EXOC3: variants seen among roughly 807,000 people sequenced by gnomAD.
EXOC3 encodes the protein SEC6-like 1.
In EXOC3, 21 loss-of-function variants were observed where a neutral mutation model predicts 73.7. The observed-to-expected ratio is 0.29, with a 90% CI of 0.20 to 0.41. EXOC3 has a LOEUF of 0.41. EXOC3 is among the 10% of genes least tolerant of loss of function. The pLI is 1.00. For missense variants in EXOC3, 842 were observed against 985.1 expected (o/e 0.85, Z 1.95); for synonymous variants, 410 against 389.1 (o/e 1.05, Z -0.63).
chr5:453,959 C>T lies in EXOC3; in HGVS notation c.954C>T (p.Ala318=), dbSNP rs1427791398. 3 of 1,613,978 alleles carry T rather than the reference C, an allele frequency of 1.9e-6. No homozygotes were observed. The highest frequency in any genetic ancestry group is 2.2e-5 in the East Asian group (1 of 44,882). Residue 318 remains alanine (A), a synonymous_variant, in exon 4 of 13, where the codon GCC becomes GCT. Coordinates refer to ENST00000512944, the MANE Select transcript of EXOC3 (RefSeq NM_007277.5). ...FKNLLNMYHQ[A]LSTRMQDLAS... ...ACCTCCTGAACATGTACCACCAAGCCCTGAGCACGCGGATGCAGGACCTCG... is the reference window on the plus strand; with the variant it reads ...ACCTCCTGAACATGTACCACCAAGCTCTGAGCACGCGGATGCAGGACCTCG...
Position 465,186 on chromosome 5 carries a change from C to T in EXOC3, c.1852C>T (p.Arg618Trp), listed in dbSNP as rs536472319. The T allele has an allele frequency of 6.3e-7, 1 of 1,595,316 alleles. No individual in the cohort carries two copies. The highest frequency in any genetic ancestry group is 8.5e-7 in the Non-Finnish European group (1 of 1,171,444). The change falls in exon 11 of 13, where the codon CGG becomes TGG. Residue 618 changes from arginine (R) to tryptophan (W), a missense_variant. Transcript: ENST00000512944. ...RAVMQKRISF[R>W]SPEERKEGAE... Reference sequence around the variant, plus strand: ...GGTCATGCAGAAGCGCATTTCCTTCCGGAGCCCGGAGGAGCGCAAGGAGGG... The same window carrying T: ...GGTCATGCAGAAGCGCATTTCCTTCTGGAGCCCGGAGGAGCGCAAGGAGGG...
intron 9 of EXOC3, among the ~76,000 whole-genome samples, chr5:463,325 A>C (rs1236913817): frequency 1.3e-5 from 2 of 152,256 alleles, no homozygotes; most frequent in African/African-American, 4.8e-5. Flanking sequence ...AAATTATTTC[A>C]AAATTTAAAA....
rs199625474 is a variant in EXOC3, at chr5:454,032, G to T, written c.1027G>T (p.Val343Phe). The change falls in exon 4 of 13, where the codon GTC becomes TTC. Residue 343 changes from valine (V) to phenylalanine (F), a missense_variant. Physicochemically the swap from Val to Phe is conservative, Grantham distance 50 (BLOSUM62 -1). Coordinates refer to ENST00000512944, the MANE Select transcript of EXOC3 (RefSeq NM_007277.5). ...ANEIVSLLTW[V>F]LNTYTSTEMM... is the part of the protein sequence containing the mutation. ...TGAGATCGTGAGCCTCTTGACGTGG[G>T]TCTTAAACACCTACACAAGGTAAAG... is the stretch of plus-strand genomic sequence containing the variant. The T allele has an allele frequency of 1.3e-4, 208 of 1,608,150 alleles. 2 individuals are homozygous for T. Among genetic ancestry groups the T allele is most frequent in the Non-Finnish European group, 6.7e-5 (79 of 1,177,234 alleles).
chr5:456,388 G>A (rs751050571), intron 4 of EXOC3, among the ~76,000 whole-genome samples: 6 of 76,988 alleles, frequency 7.8e-5, no homozygotes, highest in Admixed American at 4.7e-4. Flanking sequence ...CGTGGCGCCC[G>A]TGGCTGTGGG....
At position 453,746 on chromosome 5, in the gene EXOC3, A is replaced by G. The variant is rs752734553; in HGVS notation, c.741A>G (p.Lys247=). 5 of 1,613,952 alleles carry G rather than the reference A, an allele frequency of 3.1e-6. No individual in the cohort carries two copies. The highest frequency in any genetic ancestry group is 4.2e-6 in the Non-Finnish European group (5 of 1,179,900). ...PPGRPKNWKE[K]MFTILERTVT... is the part of the protein sequence containing the mutation. ...GGAGGCCCAAGAATTGGAAGGAGAA[A>G]ATGTTCACCATCTTGGAGAGGACTG... The change falls in exon 4 of 13, where the codon AAA becomes AAG. Residue 247 remains lysine (K), a synonymous_variant. Transcript: ENST00000512944.
At chr5:465,386 G>T (rs796342609) in intron 11 of EXOC3, 114 bp downstream of exon 11, 5 of 1,218,490 alleles carry the variant, frequency 4.1e-6, no homozygotes, top group Non-Finnish European at 5.7e-6. Flanking sequence ...TTGTCAGGCG[G>T]GGGGAGCCTG....
At chr5:448,712 C>T (rs372207974) in intron 3 of EXOC3, among the ~76,000 whole-genome samples, 2 of 152,212 alleles carry the variant, frequency 1.3e-5, no homozygotes, top group Admixed American at 1.3e-4. Flanking sequence ...CTGCCCACAG[C>T]GCACCTTGGT....
intron 10 of EXOC3, chr5:464,647 A>ATT: frequency 2.1e-6 from 1 of 484,698 alleles, no homozygotes; most frequent in East Asian, 3.9e-5. Flanking sequence ...TGGTTCCCGG[A>ATT]GAGGCCCGCG....
intron 1 of EXOC3, among the ~76,000 whole-genome samples, chr5:444,763 G>T (rs1737454758): frequency 1.0e-5 from 1 of 95,908 alleles, no homozygotes; most frequent in African/African-American, 2.7e-5. Flanking sequence ...GTGGGATATA[G>T]CGGGGGTTAC....
At chr5:461,708 C>T (rs1579743774) in intron 7 of EXOC3, 1 of 481,446 alleles carries the variant, frequency 2.1e-6, no homozygotes, top group East Asian at 3.7e-5. Flanking sequence ...CTCAGGTGGT[C>T]TCCCTGCCTC....
chr5:462,786 G>A (rs1279412083), intron 9 of EXOC3, among the ~76,000 whole-genome samples: 3 of 152,194 alleles, frequency 2.0e-5, no homozygotes, highest in African/African-American at 4.8e-5. Flanking sequence ...AGAGGTATTG[G>A]CAGAAATCAG....
In EXOC3 at chr5:453,756, A is replaced by T; in HGVS notation, c.751A>T (p.Ile251Phe). 1 of 1,613,990 alleles carries T rather than the reference A, an allele frequency of 6.2e-7. No homozygotes were observed. The highest frequency in any genetic ancestry group is 8.5e-7 in the Non-Finnish European group (1 of 1,179,906). ...GAATTGGAAGGAGAAAATGTTCACC[A>T]TCTTGGAGAGGACTGTGACCACCAG... ...PKNWKEKMFT[I>F]LERTVTTRIE... The change falls in exon 4 of 13, where the codon ATC becomes TTC. Residue 251 changes from isoleucine to phenylalanine, a missense_variant. Physicochemically the swap from Ile to Phe is conservative, Grantham distance 21 (BLOSUM62 0). Transcript: ENST00000512944.
At chr5:464,596 G>T in intron 10 of EXOC3, 184 bp downstream of exon 10, 2 of 589,634 alleles carry the variant, frequency 3.4e-6, no homozygotes, top group Admixed American at 2.9e-5. Flanking sequence ...GGTGAGAATG[G>T]CCGGGGCCCT....
intron 4 of EXOC3, among the ~76,000 whole-genome samples, chr5:454,946 T>C (rs1204503591): frequency 6.7e-6 from 1 of 150,142 alleles, no homozygotes; most frequent in Non-Finnish European, 1.5e-5. Flanking sequence ...TATAGAGAAT[T>C]TGCATTTCAA....
At chr5:466,490 G>A (rs1738155812) in intron 12 of EXOC3, 1 of 533,776 alleles carries the variant, frequency 1.9e-6, no homozygotes, top group African/African-American at 1.9e-5. Flanking sequence ...GGTTGGGCCG[G>A]AACAAAGATT....
At chr5:465,621 G>T in intron 11 of EXOC3, 97 bp from the exon 12 acceptor site, 3 of 1,467,460 alleles carry the variant, frequency 2.0e-6, no homozygotes, top group Non-Finnish European at 2.8e-6. Context: ...GGTGAAGAGG[G>T]AGGTTCCCAG....
intron 10 of EXOC3, 76 bp downstream of exon 10, chr5:464,488 C>G: frequency 1.3e-6 from 2 of 1,492,634 alleles, no homozygotes; most frequent in Non-Finnish European, 1.9e-6. Flanking sequence ...AATTCAGCAT[C>G]CAGCGAGTCC....
At position 466,892 on chromosome 5, in the gene EXOC3, C is replaced by T. The variant is rs371202357; in HGVS notation, c.2232C>T (p.Leu744=). 2.5e-4 allele frequency: 406 copies of T among 1,603,642 alleles called. No homozygotes were observed. The highest frequency in any genetic ancestry group is 3.3e-4 in the Non-Finnish European group (384 of 1,175,708). ...VVPSLNVAKL[L]K is the part of the protein sequence containing the mutation. Reference sequence around the variant, plus strand: ...CCAGCCTGAACGTGGCCAAGCTGCTCAAGTAGCCTCCGCCGGCCTGCCCTG... The same window carrying T: ...CCAGCCTGAACGTGGCCAAGCTGCTTAAGTAGCCTCCGCCGGCCTGCCCTG... Residue 744 remains leucine, a synonymous_variant, in exon 13 of 13, where the codon CTC becomes CTT. Transcript: ENST00000512944.
At chr5:456,843 C>T in intron 4 of EXOC3, 46 bp from the exon 5 acceptor site, 1 of 1,422,568 alleles carries the variant, frequency 7.0e-7, no homozygotes, top group Non-Finnish European at 9.9e-7. Context: ...GCATGCTCTT[C>T]TGTGTCTGTC....
Sources: gnomAD v4.1 joint callset for allele counts (sites outside exome capture counted in the v4.1 genomes callset) on GRCh38, gnomAD v4.1.1 for gene constraint, MANE v1.5 for transcripts, NCBI Gene and HGNC (gene_info 2026-07-23, HGNC 2026-07-21) for gene names.